Variants in MADD observed in about 807,000 individuals in gnomAD.
The protein encoded by MADD is MAP kinase activating death domain.
A neutral mutation model predicts 176.7 loss-of-function variants in MADD; 109 were observed. The observed-to-expected ratio is 0.62, with a 90% CI of 0.53 to 0.72. The LOEUF is 0.72. Among genes scored for constraint, MADD ranks in the 30% least tolerant of loss-of-function variants. The probability of loss-of-function intolerance (pLI) is 0.00; values close to 1 mark genes in which losing one functional copy is unlikely to be tolerated. For synonymous variants in MADD, 771 were observed against 771.3 expected (o/e 1.00, Z 0.01); for missense variants, 1,914 against 2,045.5 (o/e 0.94, Z 1.24).
chr11:47,288,134 T>C (rs1304646271), intron 15 of MADD, among the ~76,000 whole-genome samples: 1 of 152,136 alleles, frequency 6.6e-6, no homozygotes, highest in African/African-American at 2.4e-5. Context: ...TGGTAAAAAA[T>C]GTCAGGTTAC....
intron 15 of MADD, among the ~76,000 whole-genome samples, chr11:47,287,024 C>T (rs2061151578): frequency 6.6e-6 from 1 of 152,174 alleles, no homozygotes; most frequent in African/African-American, 2.4e-5. Context: ...TTTCTAGGGG[C>T]AGTTAAAACC....
chr11:47,304,001 G>T (rs1335623068), intron 22 of MADD, among the ~76,000 whole-genome samples: 1 of 152,094 alleles, frequency 6.6e-6, no homozygotes, highest in Non-Finnish European at 1.5e-5. Context: ...GAAGTTTTCA[G>T]CTATTATTTC....
intron 22 of MADD, among the ~76,000 whole-genome samples, chr11:47,300,206 C>CT (rs777080143): frequency 0.061 from 7,936 of 130,356 alleles, 415 homozygotes; most frequent in African/African-American, 0.12. Flanking sequence ...TTTTTTCTTT[C>CT]TTTTTTTTTT....
intron 27 of MADD, among the ~76,000 whole-genome samples, chr11:47,321,562 A>G (rs999463028): frequency 2.6e-5 from 4 of 152,342 alleles, no homozygotes; most frequent in Admixed American, 1.3e-4. Flanking sequence ...AAAGAGTATT[A>G]TAAAATATGG....
exon 26 of MADD, chr11:47,311,751 G>C: frequency 6.2e-7 from 1 of 1,612,366 alleles, no homozygotes; most frequent in Non-Finnish European, 8.5e-7. Flanking sequence ...AATGACATCC[G>C]CAAGAAGGTG....
chr11:47,285,191 A>C, exon 13 of MADD: 10 of 1,613,586 alleles, frequency 6.2e-6, no homozygotes, highest in Non-Finnish European at 8.5e-6. Context: ...GTCAGTGGCA[A>C]TCGGTGAGAG....
chr11:47,323,661 A>G lies in MADD; in HGVS notation c.4198-10A>G. On this transcript the variant is annotated splice_polypyrimidine_tract_variant and intron_variant, in intron 27 of 32. Coordinates refer to ENST00000402192, the Ensembl canonical transcript of MADD. Reference sequence around the variant, plus strand: ...CAGGAACCACTGAGCCGCTTTGTGCACTTCTCCAGGTGTGCGATGACTGTG... The same window carrying G: ...CAGGAACCACTGAGCCGCTTTGTGCGCTTCTCCAGGTGTGCGATGACTGTG... The G allele has an allele frequency of 6.2e-7, 1 of 1,611,194 alleles. No homozygotes were observed. The highest frequency in any genetic ancestry group is 1.1e-5 in the South Asian group (1 of 90,974).
chr11:47,329,281 C>T, exon 33 of MADD: 1 of 726,198 alleles, frequency 1.4e-6, no homozygotes. Context: ...CCTGCTGTGG[C>T]TTGGTTGGTT....
exon 20 of MADD, chr11:47,293,883 G>A: frequency 6.2e-7 from 1 of 1,609,758 alleles, no homozygotes; most frequent in African/African-American, 1.3e-5. Context: ...CCCTACTCAG[G>A]GCCTGAAGTA....
At chr11:47,277,350 T>TG (rs2051096427) in intron 5 of MADD, among the ~76,000 whole-genome samples, 1 of 152,234 alleles carries the variant, frequency 6.6e-6, no homozygotes, top group African/African-American at 2.4e-5. Flanking sequence ...TGGAGTACAG[T>TG]GGCACAATCT....
chr11:47,325,167 T>G lies in MADD; in HGVS notation c.4542+590T>G, dbSNP rs866947719. ...GCTCCACAGGCCCCATTCCCTTTCT[T>G]TTGATTGGGGAGCACTTGTGGATAC... On this transcript the variant is annotated intron_variant, in intron 30 of 32. Coordinates refer to ENST00000402192, the Ensembl canonical transcript of MADD. The surrounding 1 kb of genome is among the most constrained non-coding windows in gnomAD (Gnocchi z 4.5). 5.6e-6 allele frequency: 1 copy of G among 180,072 alleles called. No homozygotes were observed. The highest frequency in any genetic ancestry group is 1.3e-4 in the South Asian group (1 of 7,440). 11.2% of individuals were successfully genotyped at this position (180,072 alleles called of 1,614,324 possible).
At chr11:47,306,875 C>T (rs2083177043) in intron 22 of MADD, among the ~76,000 whole-genome samples, 1 of 151,906 alleles carries the variant, frequency 6.6e-6, no homozygotes, top group Non-Finnish European at 1.5e-5. Flanking sequence ...TTTGTTGTAA[C>T]TTTTTAAAAA....
At chr11:47,324,577 G>A in exon 30 of MADD, 1 of 1,608,838 alleles carries the variant, frequency 6.2e-7, no homozygotes, top group Non-Finnish European at 8.5e-7. Flanking sequence ...TGCACAATCA[G>A]GTAGGTGCGA....
intron 20 of MADD, among the ~76,000 whole-genome samples, chr11:47,294,633 G>A (rs1387099965): frequency 7.9e-6 from 1 of 126,038 alleles, no homozygotes; most frequent in East Asian, 2.6e-4. Flanking sequence ...TTGCGCCACT[G>A]CACTCCAGCC....
chr11:47,273,916 T>C (rs751616121), exon 2 of MADD: 10 of 1,613,964 alleles, frequency 6.2e-6, no homozygotes, highest in Non-Finnish European at 8.5e-6. Flanking sequence ...ATTGGAACCA[T>C]GGTGCAAAAG....
rs187767568 is a variant in MADD, at chr11:47,297,850, G to A, written c.3642+1795G>A. ...GTCGCCCAGGCTGGAGTGCAGTGGC[G>A]CGATCTCTGCTCACTGCAATCTCCA... On this transcript the variant is annotated intron_variant, in intron 22 of 32. Transcript: ENST00000402192. 3.0e-4 allele frequency among the ~76,000 whole-genome samples: 44 copies of A among 144,856 alleles called. 1 individual carries two copies. In the East Asian group the frequency reaches 7.4e-3, roughly 25 times the overall value.
intron 8 of MADD, 22 bp from the exon 9 acceptor site, chr11:47,282,359 A>G (rs2057591287): frequency 1.9e-6 from 3 of 1,601,144 alleles, no homozygotes; most frequent in Admixed American, 3.3e-5. Flanking sequence ...GTCTCAGATT[A>G]TCTCATCATC....
exon 22 of MADD, chr11:47,295,921 C>T: frequency 6.2e-7 from 1 of 1,614,002 alleles, no homozygotes; most frequent in Non-Finnish European, 8.5e-7. Context: ...TGGAGAGACC[C>T]TTGGAGCTGA....
chr11:47,292,522 C>T (rs2066222588), intron 19 of MADD, 21 bp from the exon 21 acceptor site: 2 of 1,612,390 alleles, frequency 1.2e-6, no homozygotes, highest in Non-Finnish European at 1.7e-6. Flanking sequence ...TTCTCTCCTG[C>T]TTGCATTGCA....
Sources: gnomAD v4.1 joint callset for allele counts (sites outside exome capture counted in the v4.1 genomes callset) on GRCh38, gnomAD v4.1.1 for gene constraint, Gnocchi (gnomAD v3.1) non-coding constraint, MANE v1.5 for transcripts, NCBI Gene and HGNC (gene_info 2026-07-23, HGNC 2026-07-21) for gene names.